Variants in CNNM1 observed in about 807,000 individuals in gnomAD.
CNNM1 encodes the protein metal transporter CNNM1.
CNNM1 carries 44 observed loss-of-function variants against 78.8 expected under a neutral mutation model. That is an observed-to-expected ratio of 0.56 (90% confidence interval 0.44 to 0.72). The LOEUF is 0.72. CNNM1 is among the 30% of genes least tolerant of loss of function. CNNM1 has a pLI of 0.00. For synonymous variants in CNNM1, 584 were observed against 581.5 expected (o/e 1.00, Z -0.06); for missense variants, 1,101 against 1,292.2 (o/e 0.85, Z 2.27).
chr10:99,360,684 C>T, intron 2 of CNNM1, 151 bp from the exon 3 acceptor site: 2 of 1,011,508 alleles, frequency 2.0e-6, no homozygotes, highest in Non-Finnish European at 2.8e-6. Flanking sequence ...CTATCCCTCA[C>T]CAACATCCTT....
chr10:99,390,590 C>A lies in CNNM1; in HGVS notation c.2776+183C>A, dbSNP rs3793932. On this transcript the variant is annotated intron_variant, in intron 10 of 10. Transcript: ENST00000356713. ...ACTGCACCCTTGATAGTTTTGGGAT[C>A]TGTCCCATTCAGTTGTTTGTCCTCT... 0.15 allele frequency among the ~76,000 whole-genome samples: 22,352 copies of A among 152,294 alleles called. 1,762 individuals are homozygous for A. The highest frequency in any genetic ancestry group is 0.24 in the Admixed American group (3,599 of 15,304).
At chr10:99,356,562 C>CAGAAAGAAAGAAAGAAAAGAAAAGA (rs1554940019) in intron 1 of CNNM1, among the ~76,000 whole-genome samples, 2 of 98,444 alleles carry the variant, frequency 2.0e-5, no homozygotes, top group Non-Finnish European at 4.2e-5. Flanking sequence ...GACAGACAGA[C>CAGAAAGAAAGAAAGAAAAGAAAAGA]AGAAAGAAAG....
At chr10:99,363,929 G>C (rs769089512) in intron 4 of CNNM1, among the ~76,000 whole-genome samples, 2 of 151,930 alleles carry the variant, frequency 1.3e-5, no homozygotes, top group Non-Finnish European at 2.9e-5. Context: ...ATGTTTAGTA[G>C]AGATGGGGTT....
chr10:99,376,371 A>G (rs886208133), intron 6 of CNNM1, among the ~76,000 whole-genome samples: 1 of 152,192 alleles, frequency 6.6e-6, no homozygotes, highest in East Asian at 1.9e-4. Flanking sequence ...GATAAAGCCT[A>G]TTTTTACCGT....
chr10:99,346,615 A>G (rs1490867085), intron 1 of CNNM1, among the ~76,000 whole-genome samples: 4 of 152,174 alleles, frequency 2.6e-5, no homozygotes, highest in Non-Finnish European at 5.9e-5. Context: ...TCTAATTGCC[A>G]CTGAACATCT....
At chr10:99,357,791 G>T (rs960827361) in intron 2 of CNNM1, 136 bp downstream of exon 2, 1 of 756,064 alleles carries the variant, frequency 1.3e-6, no homozygotes, top group Non-Finnish European at 1.9e-6. Flanking sequence ...ACCTATGCCA[G>T]GTGCTGCTGT....
Position 99,377,053 on chromosome 10 carries a change from A to C in CNNM1, c.2177-2A>C, listed in dbSNP as rs920373330. 1 of 1,544,046 alleles carries C rather than the reference A, an allele frequency of 6.5e-7. No homozygotes were observed. The highest frequency in any genetic ancestry group is 1.4e-5 in the African/African-American group (1 of 71,644). ...CTTTTCTCCATCTCTCACCATCTGC[A>C]GTAAACCGGTCCCCTTCTCGCTGCA... On this transcript the variant is annotated splice_acceptor_variant, in intron 6 of 10. Coordinates refer to ENST00000356713, the MANE Select transcript of CNNM1 (RefSeq NM_020348.3). LOFTEE classifies it high-confidence loss of function.
chr10:99,381,567 C>A (rs1564959558), intron 7 of CNNM1, among the ~76,000 whole-genome samples: 1 of 151,802 alleles, frequency 6.6e-6, no homozygotes, highest in Non-Finnish European at 1.5e-5. Flanking sequence ...CATGGCGAAA[C>A]CCCATCTCTA....
At chr10:99,345,948 G>A (rs1320284720) in intron 1 of CNNM1, among the ~76,000 whole-genome samples, 2 of 152,084 alleles carry the variant, frequency 1.3e-5, no homozygotes, top group African/African-American at 4.8e-5. Context: ...TCCCGCTTCA[G>A]CTTCCCAAAG....
intron 7 of CNNM1, among the ~76,000 whole-genome samples, chr10:99,384,055 A>T (rs986367667): frequency 6.7e-6 from 1 of 148,870 alleles, no homozygotes; most frequent in African/African-American, 2.6e-5. Context: ...GGTTAAATGA[A>T]ATATGTTATT....
At position 99,329,996 on chromosome 10, in the gene CNNM1, C is replaced by A; in HGVS notation, c.609C>A (p.Phe203Leu). 7.1e-7 allele frequency: 1 copy of A among 1,400,210 alleles called. No individual in the cohort carries two copies. Among genetic ancestry groups the A allele is most frequent in the South Asian group, 1.6e-5 (1 of 62,902 alleles). The allele number at this position is 1,400,210 out of a possible 1,614,324, so 86.7% of individuals were successfully genotyped here. A position where few individuals can be genotyped will look rare whatever the true frequency, so the allele number is the denominator to read the frequency against. The change falls in exon 1 of 11, where the codon TTC becomes TTA. Residue 203 changes from phenylalanine to leucine, a missense_variant. Around this residue, in one of 3 missense-constraint regions of CNNM1, gnomAD observed 476 missense variants for 484.5 expected, o/e 0.98. Transcript: ENST00000356713. ...ACCACCACGGCGCCGCCGGCGGCTT[C>A]CTGCTGCGCGTTCGCCCGCGGTTGT... ...AWHHHGAAGG[F>L]LLRVRPRLYG... is the part of the protein sequence containing the mutation.
chr10:99,340,542 G>A (rs1051719003), intron 1 of CNNM1, among the ~76,000 whole-genome samples: 5 of 152,124 alleles, frequency 3.3e-5, no homozygotes, highest in African/African-American at 1.2e-4. Flanking sequence ...GTGTCTCCAA[G>A]GAAGGTCTGT....
intron 4 of CNNM1, 151 bp from the exon 5 acceptor site, chr10:99,364,266 G>A (rs528396025): frequency 1.0e-5 from 6 of 599,944 alleles, no homozygotes; most frequent in Non-Finnish European, 1.7e-5. Flanking sequence ...TTTCTCACAT[G>A]TAAATCTGGA....
At chr10:99,370,806 G>C (rs1454930899) in intron 6 of CNNM1, among the ~76,000 whole-genome samples, 3 of 152,146 alleles carry the variant, frequency 2.0e-5, no homozygotes, top group Non-Finnish European at 4.4e-5. Context: ...TTACATATAT[G>C]CTAAATCTCA....
In CNNM1 at chr10:99,330,726, G is replaced by A; in HGVS notation, c.1339G>A (p.Val447Met). Residue 447 changes from valine (V) to methionine (M), a missense_variant, in exon 1 of 11, where the codon GTG becomes ATG. Physicochemically the swap from Val to Met is conservative, Grantham distance 21. This residue lies in a region of CNNM1 where 277 missense variants were observed against 423.2 expected (regional missense o/e 0.65). Coordinates refer to ENST00000356713, the MANE Select transcript of CNNM1 (RefSeq NM_020348.3). ...GDCFMLRSDA[V>M]LDFATVSEIL... ...CTGCTTCATGCTGCGCTCAGACGCG[G>A]TGCTCGACTTCGCCACTGTCTCCGA... The A allele has an allele frequency of 6.2e-7, 1 of 1,614,026 alleles. No individual in the cohort carries two copies. The highest frequency in any genetic ancestry group is 8.5e-7 in the Non-Finnish European group (1 of 1,179,888).
At chr10:99,381,425 A>G (rs1358403080) in intron 7 of CNNM1, among the ~76,000 whole-genome samples, 1 of 130,132 alleles carries the variant, frequency 7.7e-6, no homozygotes, top group Non-Finnish European at 1.6e-5. Flanking sequence ...AAAAAAAAAA[A>G]GGAAAAAAAA....
chr10:99,361,826 A>G (rs1457888913), intron 3 of CNNM1, among the ~76,000 whole-genome samples: 1 of 152,160 alleles, frequency 6.6e-6, no homozygotes. Flanking sequence ...CATTCAGCAG[A>G]TATATGTCAT....
intron 1 of CNNM1, among the ~76,000 whole-genome samples, chr10:99,345,143 T>C (rs1052942017): frequency 3.9e-5 from 6 of 152,200 alleles, no homozygotes; most frequent in Non-Finnish European, 7.3e-5. Flanking sequence ...CTCAGTTTCC[T>C]TATCTACATA....
At chr10:99,368,510 G>A (rs2031695310) in intron 6 of CNNM1, 1 of 544,666 alleles carries the variant, frequency 1.8e-6, no homozygotes, top group East Asian at 7.1e-5. Context: ...GTGATGTTGT[G>A]AAGATCCAGG....
Sources: gnomAD v4.1 joint callset for allele counts (sites outside exome capture counted in the v4.1 genomes callset) on GRCh38, gnomAD v4.1.1 for gene constraint, gnomAD v4.1.1 regional missense constraint, MANE v1.5 for transcripts, NCBI Gene and HGNC (gene_info 2026-07-23, HGNC 2026-07-21) for gene names.